Variants in SPMIP7 observed in about 807,000 individuals in gnomAD.
SPMIP7 encodes sperm microtubule inner protein 7.
chr7:50,151,690 C>A, the SPMIP7 span: 1 of 621,138 alleles, frequency 1.6e-6, no homozygotes, highest in Non-Finnish European at 2.6e-6. Flanking sequence ...GGCATCAAGT[C>A]CGAAACAGAA....
the SPMIP7 span, chr7:50,141,225 T>A: frequency 8.4e-7 from 1 of 1,187,346 alleles, no homozygotes; most frequent in South Asian, 1.3e-5. Context: ...GTTCAATGGT[T>A]TCTTCTATGT....
chr7:50,123,332 C>A, the SPMIP7 span, among the ~76,000 whole-genome samples: 1 of 136,834 alleles, frequency 7.3e-6, no homozygotes, highest in Non-Finnish European at 1.5e-5. Context: ...AAACCAAACA[C>A]CGCATATTCT....
At chr7:50,124,193 A>G in the SPMIP7 span, among the ~76,000 whole-genome samples, 1 of 152,198 alleles carries the variant, frequency 6.6e-6, no homozygotes, top group Non-Finnish European at 1.5e-5. Context: ...AAAACCTAAC[A>G]ATCATAAATG....
chr7:50,146,451 G>A, the SPMIP7 span, among the ~76,000 whole-genome samples: 1 of 152,188 alleles, frequency 6.6e-6, no homozygotes, highest in Admixed American at 6.5e-5. Flanking sequence ...AAGAATTGAA[G>A]ATCCCAAGAA....
chr7:50,144,855 G>T, the SPMIP7 span, among the ~76,000 whole-genome samples: 1 of 152,004 alleles, frequency 6.6e-6, no homozygotes, highest in South Asian at 2.1e-4. Flanking sequence ...CAACAAACAT[G>T]AACTGTTGAC....
At chr7:50,156,528 C>T in the SPMIP7 span, among the ~76,000 whole-genome samples, 3 of 151,686 alleles carry the variant, frequency 2.0e-5, no homozygotes, top group Non-Finnish European at 1.5e-5. Flanking sequence ...CTGTGCCACA[C>T]GAGCTTCCAG....
chr7:50,121,577 G>A, the SPMIP7 span, among the ~76,000 whole-genome samples: 1 of 152,060 alleles, frequency 6.6e-6, no homozygotes, highest in African/African-American at 2.4e-5. Flanking sequence ...CTGCTTTTGT[G>A]TTGAGTGCTA....
the SPMIP7 span, chr7:50,104,198 A>G: frequency 2.0e-4 from 88 of 431,048 alleles, no homozygotes; most frequent in East Asian, 3.2e-3. Flanking sequence ...TAAATAATCC[A>G]TTAAAAAATG....
the SPMIP7 span, among the ~76,000 whole-genome samples, chr7:50,152,664 T>TTTA: frequency 7.1e-6 from 1 of 141,362 alleles, no homozygotes; most frequent in Non-Finnish European, 1.5e-5. Flanking sequence ...TTATCACACA[T>TTTA]TTTATTTATT....
At chr7:50,134,070 T>C in the SPMIP7 span, 1 of 1,496,640 alleles carries the variant, frequency 6.7e-7, no homozygotes, top group Non-Finnish European at 8.9e-7. Flanking sequence ...CAATTGAATA[T>C]GCTTTTCATA....
At chr7:50,131,115 A>G in the SPMIP7 span, among the ~76,000 whole-genome samples, 1 of 152,252 alleles carries the variant, frequency 6.6e-6, no homozygotes, top group African/African-American at 2.4e-5. Flanking sequence ...AGAAGATGGA[A>G]CACCAGTTAG....
the SPMIP7 span, among the ~76,000 whole-genome samples, chr7:50,146,832 G>T: frequency 1.1e-3 from 169 of 152,250 alleles, no homozygotes; most frequent in African/African-American, 3.9e-3. Flanking sequence ...TCCATGACCT[G>T]CTGCTCCTCT....
At chr7:50,110,440 TTA>T in the SPMIP7 span, among the ~76,000 whole-genome samples, 4 of 147,272 alleles carry the variant, frequency 2.7e-5, no homozygotes, top group South Asian at 8.4e-4. Context: ...TGTATATAGT[TTA>T]TATATTATAT....
At chr7:50,154,792 C>G in the SPMIP7 span, among the ~76,000 whole-genome samples, 2 of 152,152 alleles carry the variant, frequency 1.3e-5, no homozygotes, top group Non-Finnish European at 2.9e-5. Context: ...TACTGTTTTC[C>G]ATAATGGCTT....
the SPMIP7 span, among the ~76,000 whole-genome samples, chr7:50,151,226 G>A: frequency 2.0e-5 from 3 of 151,834 alleles, no homozygotes; most frequent in Admixed American, 6.6e-5. Flanking sequence ...AAATTTTATC[G>A]ACCCCAGCAT....
chr7:50,138,474 T>G, the SPMIP7 span, among the ~76,000 whole-genome samples: 1 of 152,110 alleles, frequency 6.6e-6, no homozygotes, highest in Non-Finnish European at 1.5e-5. Flanking sequence ...CCAGAAAAAA[T>G]TATTCATTCC....
the SPMIP7 span, among the ~76,000 whole-genome samples, chr7:50,145,614 G>GTATATATA: frequency 5.6e-3 from 217 of 38,934 alleles, 8 homozygotes; most frequent in Non-Finnish European, 7.9e-3. Context: ...GTGTATATGT[G>GTATATATA]TGTGTATATA....
chr7:50,147,001 C>A, the SPMIP7 span, among the ~76,000 whole-genome samples: 4 of 152,352 alleles, frequency 2.6e-5, no homozygotes, highest in South Asian at 4.1e-4. Flanking sequence ...TAAGTTCACA[C>A]AGCTGGTCAG....
chr7:50,131,097 C>A, the SPMIP7 span, among the ~76,000 whole-genome samples: 3 of 152,068 alleles, frequency 2.0e-5, no homozygotes, highest in Non-Finnish European at 4.4e-5. Context: ...TAGATTTTTA[C>A]AGGGGAGAGA....
Sources: gnomAD v4.1 joint callset for allele counts (sites outside exome capture counted in the v4.1 genomes callset) on GRCh38, gnomAD v4.1.1 for gene constraint, MANE v1.5 for transcripts, NCBI Gene and HGNC (gene_info 2026-07-23, HGNC 2026-07-21) for gene names.